Variants in ROBO1 observed in about 807,000 individuals in gnomAD.
The protein encoded by ROBO1 is roundabout guidance receptor 1.
Under a neutral mutation model 195.9 loss-of-function variants are expected in ROBO1, and 149 were observed. The observed-to-expected ratio is 0.76, with a 90% CI of 0.67 to 0.87. ROBO1 has a LOEUF of 0.87. Ranked by LOEUF, ROBO1 falls within the 40% of genes least tolerant of loss-of-function variation. The pLI, the probability that ROBO1 is intolerant of heterozygous loss-of-function variation, is 0.00. For missense variants in ROBO1, 1,933 were observed against 2,068.3 expected (o/e 0.93, Z 1.27); for synonymous variants, 816 against 733.2 (o/e 1.11, Z -1.82).
At chr3:79,602,380 T>C (rs1246742710) in intron 1 of ROBO1, among the ~76,000 whole-genome samples, 1 of 152,048 alleles carries the variant, frequency 6.6e-6, no homozygotes, top group Non-Finnish European at 1.5e-5. Flanking sequence ...TTGTGTTGCG[T>C]GCATTCTAGA....
At chr3:78,860,465 T>A (rs1163930150) in intron 4 of ROBO1, among the ~76,000 whole-genome samples, 1 of 151,520 alleles carries the variant, frequency 6.6e-6, no homozygotes, top group African/African-American at 2.4e-5. Flanking sequence ...AAACATGGAT[T>A]TTTCCCTCAA....
chr3:79,664,176 A>T (rs1946408197), intron 1 of ROBO1, among the ~76,000 whole-genome samples: 1 of 151,966 alleles, frequency 6.6e-6, no homozygotes, highest in South Asian at 2.1e-4. Flanking sequence ...TCTTTCCTCT[A>T]TTAGTCTGGA....
At chr3:79,183,035 C>G (rs1004818369) in intron 2 of ROBO1, among the ~76,000 whole-genome samples, 1 of 146,420 alleles carries the variant, frequency 6.8e-6, no homozygotes, top group Non-Finnish European at 1.5e-5. Flanking sequence ...GAGCCGAGAT[C>G]GCGCCGCTGC....
intron 4 of ROBO1, among the ~76,000 whole-genome samples, chr3:78,770,151 G>C (rs1300731975): frequency 6.6e-6 from 1 of 152,034 alleles, no homozygotes; most frequent in South Asian, 2.1e-4. Flanking sequence ...AGTTTTCCTC[G>C]ATTATTCCCC....
chr3:79,034,648 G>T (rs934959078), intron 3 of ROBO1, among the ~76,000 whole-genome samples: 16 of 152,108 alleles, frequency 1.1e-4, no homozygotes, highest in African/African-American at 3.6e-4. Context: ...ACAATGGTAT[G>T]TTATTAAATT....
intron 3 of ROBO1, among the ~76,000 whole-genome samples, chr3:79,075,352 G>C (rs751959050): frequency 6.6e-6 from 1 of 151,922 alleles, no homozygotes; most frequent in Non-Finnish European, 1.5e-5. Flanking sequence ...CTTCCTTCTA[G>C]AAATATAGGT....
intron 21 of ROBO1, among the ~76,000 whole-genome samples, chr3:78,644,952 A>C (rs1170026266): frequency 6.6e-6 from 1 of 152,180 alleles, no homozygotes; most frequent in African/African-American, 2.4e-5. Context: ...TTCACCCACG[A>C]GAAAATGTTC....
At chr3:79,765,442 C>A (rs1289065317) in intron 1 of ROBO1, among the ~76,000 whole-genome samples, 2 of 152,162 alleles carry the variant, frequency 1.3e-5, no homozygotes, top group Non-Finnish European at 2.9e-5. Context: ...CATCTACCAA[C>A]ACTGCCTCTT....
chr3:78,973,010 G>C (rs938040630), intron 3 of ROBO1, among the ~76,000 whole-genome samples: 9 of 152,142 alleles, frequency 5.9e-5, no homozygotes, highest in Admixed American at 5.9e-4. Flanking sequence ...GCAGAGAAAA[G>C]AGAACCAGAG....
At chr3:79,256,593 G>C (rs1172347110) in intron 2 of ROBO1, among the ~76,000 whole-genome samples, 1 of 152,034 alleles carries the variant, frequency 6.6e-6, no homozygotes, top group Non-Finnish European at 1.5e-5. Flanking sequence ...TTAGGATCTA[G>C]AACCCATTCT....
At chr3:79,118,621 G>A (rs552636182) in intron 3 of ROBO1, among the ~76,000 whole-genome samples, 2 of 152,202 alleles carry the variant, frequency 1.3e-5, no homozygotes, top group Admixed American at 6.5e-5. Flanking sequence ...TGTAATCCCA[G>A]CACTTTGGGA....
At chr3:79,597,724 G>C (rs1944222381) in intron 1 of ROBO1, among the ~76,000 whole-genome samples, 1 of 152,140 alleles carries the variant, frequency 6.6e-6, no homozygotes, top group South Asian at 2.1e-4. Context: ...AATGAGGCAA[G>C]AAAGGCAACT....
At chr3:79,506,193 C>G (rs1244555197) in intron 2 of ROBO1, among the ~76,000 whole-genome samples, 2 of 151,684 alleles carry the variant, frequency 1.3e-5, no homozygotes, top group Admixed American at 1.3e-4. Context: ...GAGAAATATG[C>G]TTTACAAAAA....
At chr3:79,032,976 T>C (rs1017078954) in intron 3 of ROBO1, among the ~76,000 whole-genome samples, 14 of 152,034 alleles carry the variant, frequency 9.2e-5, no homozygotes, top group African/African-American at 3.1e-4. Context: ...AAATTAAATA[T>C]GGAAGATGAC....
chr3:78,720,798 C>T (rs1197923519), intron 5 of ROBO1, among the ~76,000 whole-genome samples: 22 of 152,094 alleles, frequency 1.4e-4, no homozygotes, highest in Non-Finnish European at 2.5e-4. Flanking sequence ...TTTGTAGGGA[C>T]GTGGATGAAG....
chr3:79,016,089 A>G (rs1408814206), intron 3 of ROBO1, among the ~76,000 whole-genome samples: 2 of 152,218 alleles, frequency 1.3e-5, no homozygotes, highest in Non-Finnish European at 2.9e-5. Flanking sequence ...ATGAAACACA[A>G]TCTTTCAAGA....
chr3:79,428,114 TAATA>T (rs1040020611), intron 2 of ROBO1, among the ~76,000 whole-genome samples: 8 of 152,090 alleles, frequency 5.3e-5, no homozygotes, highest in Non-Finnish European at 8.8e-5. Context: ...GGAAAGCATC[TAATA>T]ATCTGATTAA....
intron 3 of ROBO1, among the ~76,000 whole-genome samples, chr3:78,967,717 T>C (rs1054605318): frequency 6.6e-6 from 1 of 152,126 alleles, no homozygotes; most frequent in African/African-American, 2.4e-5. Context: ...CTTGTATAAA[T>C]ACCAACAATC....
chr3:79,156,483 G>A (rs1253860580), intron 2 of ROBO1, among the ~76,000 whole-genome samples: 1 of 151,666 alleles, frequency 6.6e-6, no homozygotes, highest in Non-Finnish European at 1.5e-5. Context: ...CATTCTATTT[G>A]AAATATATAG....
Sources: allele counts gnomAD v4.1 joint callset (sites outside exome capture counted in the v4.1 genomes callset), GRCh38; gene constraint gnomAD v4.1.1; transcripts MANE v1.5; gene names NCBI Gene and HGNC (gene_info 2026-07-23, HGNC 2026-07-21).